The following GRIPAP1 variants were observed in gnomAD, a reference collection of about 807,000 sequenced individuals.
The protein encoded by GRIPAP1 is GRIP1-associated protein 1.
In GRIPAP1, 14 loss-of-function variants were observed where a neutral mutation model predicts 84.1. The observed-to-expected ratio is 0.17, with a 90% CI of 0.11 to 0.26. The LOEUF (loss-of-function observed/expected upper bound fraction) is 0.26, where lower values mean the gene tolerates loss of function less well. Among genes scored for constraint, GRIPAP1 ranks in the 10% least tolerant of loss-of-function variants. The pLI, the probability that GRIPAP1 is intolerant of heterozygous loss-of-function variation, is 1.00. For synonymous variants in GRIPAP1, 261 were observed against 256.8 expected, an observed-to-expected ratio of 1.02 and a Z score of -0.15; for missense variants, 518 against 674.2, an observed-to-expected ratio of 0.77 and a Z score of 2.57.
chrX:48,975,391 C>T, intron 24 of GRIPAP1, 82 bp from the exon 25 acceptor site: 4 of 964,497 alleles, frequency 4.1e-6, no homozygotes, highest in Non-Finnish European at 5.7e-6. Context: ...AAGAGGGAGA[C>T]GAATACCAGG....
At position 48,989,684 on chromosome X, in the gene GRIPAP1, CGTT is replaced by C; in HGVS notation, c.794_796del (p.Gln265del). 1 of 1,205,288 alleles carries C rather than the reference CGTT, an allele frequency of 8.3e-7. No individual in the cohort carries two copies. Reference sequence around the variant, plus strand: ...CTGGGCTTTGTGATCAGCTTCCTTCCGTTGTTGTAATTCCTCAATCTTGTTCCT... The same window carrying C: ...CTGGGCTTTGTGATCAGCTTCCTTCCGTTGTAATTCCTCAATCTTGTTCCT... On this transcript the variant is annotated inframe_deletion, in exon 11 of 26. Transcript: ENST00000376423.
intron 11 of GRIPAP1, among the ~76,000 whole-genome samples, chrX:48,989,341 C>A (rs892846239): frequency 3.6e-5 from 4 of 111,400 alleles, no homozygotes; most frequent in Non-Finnish European, 7.5e-5. Context: ...AGACTGTGGT[C>A]TCAAACCTCC....
intron 5 of GRIPAP1, 68 bp downstream of exon 5, chrX:48,997,182 G>A (rs782537845): frequency 9.7e-5 from 59 of 607,406 alleles, no homozygotes; most frequent in Non-Finnish European, 1.4e-4. Flanking sequence ...ACTCTCTGCC[G>A]CTGTTAGGTT....
At chrX:48,977,711 T>C (rs975754659) in intron 22 of GRIPAP1, 1 of 110,442 alleles carries the variant, frequency 9.1e-6, no homozygotes, top group African/African-American at 3.3e-5. Flanking sequence ...TTTTGTTTTT[T>C]TTTTAAATAG....
rs1602464488 is a variant in GRIPAP1 at position 48,974,118 on chromosome X, T to C, written c.*75A>G. ...TATTTGATTTTGGCTCCAGCCCTCA[T>C]TTTTCCACCACAGCCCAAGGGAATA... On this transcript the variant is annotated 3_prime_UTR_variant, in exon 26 of 26. Coordinates refer to ENST00000376423, the MANE Select transcript of GRIPAP1 (RefSeq NM_020137.5). 6 of 697,523 alleles carry C rather than the reference T, an allele frequency of 8.6e-6. No individual in the cohort carries two copies. In the East Asian group the frequency reaches 1.0e-4, roughly 12 times the overall value. The allele number at this position is 697,523 out of a possible 1,213,427, so 57.5% of individuals were successfully genotyped here.
chrX:48,981,999 G>A (rs1602469932), intron 17 of GRIPAP1, 127 bp from the exon 18 acceptor site: 5 of 463,354 alleles, frequency 1.1e-5, no homozygotes, highest in East Asian at 7.4e-5. Context: ...AACCCCACAC[G>A]CCCTTAGGCA....
At chrX:48,994,613 G>A (rs1253507588) in intron 5 of GRIPAP1, among the ~76,000 whole-genome samples, 1 of 111,943 alleles carries the variant, frequency 8.9e-6, no homozygotes, top group Non-Finnish European at 1.9e-5. Context: ...GCTCTGCTCA[G>A]ATGTTGCCTT....
At chrX:48,981,984 C>A (rs1307970615) in intron 17 of GRIPAP1, 112 bp from the exon 18 acceptor site, 6 of 505,494 alleles carry the variant, frequency 1.2e-5, no homozygotes, top group Admixed American at 3.0e-5. Flanking sequence ...GACCCTCCTG[C>A]AGGGAACCCC....
Position 49,002,215 on chromosome X carries a change from C to G in GRIPAP1, c.15G>C (p.Leu5=). Residue 5 remains leucine (L), a synonymous_variant, in exon 1 of 26, where the codon CTG becomes CTC. Coordinates refer to ENST00000376423, the MANE Select transcript of GRIPAP1 (RefSeq NM_020137.5). Reference sequence around the variant, plus strand: ...GCATCCGCTGAAACTCCTCCTCAGACAGAGCTTGCGCCATGTTCCTCCCCC... The same window carrying G: ...GCATCCGCTGAAACTCCTCCTCAGAGAGAGCTTGCGCCATGTTCCTCCCCC... MAQA[L]SEEEFQRMQA... The G allele has an allele frequency of 8.5e-7, 1 of 1,174,302 alleles. No homozygotes were observed. Among genetic ancestry groups the G allele is most frequent in the Non-Finnish European group, 1.2e-6 (1 of 865,854 alleles).
chrX:48,974,273 G>T lies in GRIPAP1; in HGVS notation c.2446C>A (p.Leu816Met). Reference sequence around the variant, plus strand: ...CTGAGCCGCACAATTTCCTGGGACAGAACTTCCATATCCTAAGAAACAAAT... The same window carrying T: ...CTGAGCCGCACAATTTCCTGGGACATAACTTCCATATCCTAAGAAACAAAT... ...NMHLHKDMEV[L>M]SQEIVRLSKE... The change falls in exon 26 of 26, where the codon CTG becomes ATG. Residue 816 changes from leucine to methionine, a missense_variant. Coordinates refer to ENST00000376423, the MANE Select transcript of GRIPAP1 (RefSeq NM_020137.5). 8.4e-7 allele frequency: 1 copy of T among 1,196,010 alleles called. No homozygotes were observed. Among genetic ancestry groups the T allele is most frequent in the South Asian group, 1.8e-5 (1 of 56,395 alleles).
chrX:48,991,336 C>A, intron 6 of GRIPAP1: 2 of 386,589 alleles, frequency 5.2e-6, no homozygotes, highest in Non-Finnish European at 9.0e-6. Flanking sequence ...CTGGAGTGCA[C>A]TGGAATGATC....
At chrX:49,001,717 C>T (rs1046485309) in intron 1 of GRIPAP1, among the ~76,000 whole-genome samples, 31 of 110,193 alleles carry the variant, frequency 2.8e-4, no homozygotes, top group African/African-American at 9.3e-4. Context: ...AATCCCCGGG[C>T]ACAGTGGTAT....
intron 13 of GRIPAP1, among the ~76,000 whole-genome samples, chrX:48,985,902 T>G (rs2064484490): frequency 9.1e-6 from 1 of 110,273 alleles, no homozygotes; most frequent in African/African-American, 3.3e-5. Flanking sequence ...AGTGTACACT[T>G]AAGATTAGTA....
In GRIPAP1 at chrX:48,975,334, AC is replaced by A. The variant is rs782444253; in HGVS notation, c.2279-26del. 117 of 1,191,434 alleles carry A rather than the reference AC, an allele frequency of 9.8e-5. 1 individual carries two copies. The South Asian group carries it at 1.9e-3, about 19-fold the overall frequency. On this transcript the variant is annotated intron_variant, in intron 24 of 25. Transcript: ENST00000376423. ...TCTGCAAGGGCCCAGGCTGAAAACC[AC>A]CCCCTCGGCAGAGCCAGAGGAGAGC...
intron 15 of GRIPAP1, 119 bp from the exon 16 acceptor site, chrX:48,983,559 G>T: frequency 1.7e-6 from 1 of 593,658 alleles, no homozygotes; most frequent in Non-Finnish European, 2.7e-6. Context: ...CCACTGAACT[G>T]GCTAAGGCAC....
chrX:48,985,969 G>T (rs781893309), intron 13 of GRIPAP1, among the ~76,000 whole-genome samples: 2 of 111,273 alleles, frequency 1.8e-5, no homozygotes, highest in East Asian at 5.6e-4. Flanking sequence ...GAAGCCGGGC[G>T]CGGTGGCTCA....
intron 17 of GRIPAP1, 37 bp from the exon 18 acceptor site, chrX:48,981,909 A>C: frequency 2.0e-6 from 2 of 997,136 alleles, no homozygotes; most frequent in Non-Finnish European, 2.8e-6. Context: ...ACAGCCCCCC[A>C]GAAGGTATCA....
chrX:48,987,954 GACACACACACACACACACACACAC>G (rs781921365), intron 12 of GRIPAP1, 77 bp from the exon 13 acceptor site: 27 of 358,343 alleles, frequency 7.5e-5, no homozygotes, highest in African/African-American at 1.3e-4. Context: ...AGAAAGAAAG[GACACACACACACACACACACACAC>G]ACACACACAC....
In GRIPAP1 at chrX:48,976,328, C is replaced by T. The variant is rs1557060492; in HGVS notation, c.2097G>A (p.Arg699=). ...CTTCCTCATCTGACAGCTCTGCTGG[C>T]CGAGGGGGCTGGGCTTGAGGGCTGC... The part of the protein sequence containing the change: ...LSSSPQAQPP[R]PAELSDEEVA... The change falls in exon 23 of 26, where the codon CGG becomes CGA. Residue 699 remains arginine, a synonymous_variant. Transcript: ENST00000376423. The T allele has an allele frequency of 8.3e-7, 1 of 1,198,403 alleles. No homozygotes were observed. The highest frequency in any genetic ancestry group is 1.1e-6 in the Non-Finnish European group (1 of 889,136).
Sources: allele counts gnomAD v4.1 joint callset (sites outside exome capture counted in the v4.1 genomes callset), GRCh38; gene constraint gnomAD v4.1.1; transcripts MANE v1.5; gene names NCBI Gene and HGNC (gene_info 2026-07-23, HGNC 2026-07-21).